The following AGPAT3 variants were observed in gnomAD, a reference collection of about 807,000 sequenced individuals.
AGPAT3 encodes the protein 1-acylglycerol-3-phosphate O-acyltransferase 3.
In AGPAT3, 5 loss-of-function variants were observed where a neutral mutation model predicts 47.3. The ratio of observed to expected loss-of-function variants is 0.11; its 90% CI spans 0.06 to 0.22. The LOEUF is 0.22. Among genes scored for constraint, AGPAT3 ranks in the 10% least tolerant of loss-of-function variants. The pLI, the probability that AGPAT3 is intolerant of heterozygous loss-of-function variation, is 1.00. For missense variants in AGPAT3, 315 were observed against 493.0 expected (o/e 0.64, Z 3.42); for synonymous variants, 212 against 208.3 (o/e 1.02, Z -0.15).
At chr21:43,977,704 C>T (rs561754001) in intron 7 of AGPAT3, among the ~76,000 whole-genome samples, 39 of 151,944 alleles carry the variant, frequency 2.6e-4, no homozygotes, top group Non-Finnish European at 4.4e-4. Context: ...GGTGAAACCC[C>T]GTCTCTACTA....
chr21:43,942,754 G>T (rs2087705391), intron 2 of AGPAT3, among the ~76,000 whole-genome samples: 1 of 152,212 alleles, frequency 6.6e-6, no homozygotes, highest in African/African-American at 2.4e-5. Flanking sequence ...ACCCTGGGCT[G>T]CTGTGGTCAG....
intron 2 of AGPAT3, among the ~76,000 whole-genome samples, chr21:43,904,467 C>T (rs1173513131): frequency 6.6e-6 from 1 of 152,158 alleles, no homozygotes; most frequent in East Asian, 1.9e-4. Context: ...GGCCCGGGGA[C>T]AGCTGCACAA....
intron 2 of AGPAT3, among the ~76,000 whole-genome samples, chr21:43,949,479 G>A (rs964010199): frequency 6.6e-6 from 1 of 152,226 alleles, no homozygotes; most frequent in Non-Finnish European, 1.5e-5. Context: ...GGCCACAAGG[G>A]TGTAAGGGAG....
intron 1 of AGPAT3, among the ~76,000 whole-genome samples, chr21:43,896,957 T>G (rs1483415225): frequency 2.7e-5 from 4 of 146,116 alleles, no homozygotes; most frequent in Admixed American, 2.0e-4. Flanking sequence ...TTTTTTTTTT[T>G]TTTTTTTTTT....
At chr21:43,966,534 T>G (rs2089138377) in intron 3 of AGPAT3, 2 of 152,212 alleles carry the variant, frequency 1.3e-5, no homozygotes, top group Non-Finnish European at 1.5e-5. Flanking sequence ...CTGAGTTCCC[T>G]CTCTCCTTTC....
intron 1 of AGPAT3, among the ~76,000 whole-genome samples, chr21:43,888,988 CA>C (rs11389630): frequency 3.4e-5 from 5 of 146,870 alleles, no homozygotes; most frequent in Admixed American, 2.0e-4. Context: ...GAACTTGTCT[CA>C]AAAAAAAAAC....
chr21:43,924,039 C>CG (rs1376746442), intron 2 of AGPAT3, among the ~76,000 whole-genome samples: 1 of 152,052 alleles, frequency 6.6e-6, no homozygotes, highest in Non-Finnish European at 1.5e-5. Flanking sequence ...TTTTTTGAGA[C>CG]GGAGTCTCGC....
chr21:43,905,154 AATATTTAT>A (rs2086460133), intron 2 of AGPAT3, among the ~76,000 whole-genome samples: 2 of 115,212 alleles, frequency 1.7e-5, no homozygotes, highest in South Asian at 3.0e-4. Flanking sequence ...TTTTAAAAAA[AATATTTAT>A]TTATTTATTT....
chr21:43,875,675 T>A (rs1024539295), intron 1 of AGPAT3, among the ~76,000 whole-genome samples: 3 of 152,244 alleles, frequency 2.0e-5, no homozygotes, highest in Admixed American at 2.0e-4. Flanking sequence ...TGGTGCAATC[T>A]TGGCTCACTG....
intron 2 of AGPAT3, among the ~76,000 whole-genome samples, chr21:43,958,671 A>G (rs61033068): frequency 0.51 from 72,528 of 142,348 alleles, 18,280 homozygotes; most frequent in African/African-American, 0.65. Flanking sequence ...TAGCATGTGT[A>G]TGGTTTGTGG....
chr21:43,986,714 C>T lies in AGPAT3; in HGVS notation c.*4322C>T, dbSNP rs1601503380. Among the ~76,000 whole-genome samples, 1 of 152,196 alleles carries T rather than the reference C, an allele frequency of 6.6e-6. No individual in the cohort carries two copies. The highest frequency in any genetic ancestry group is 1.9e-4 in the East Asian group (1 of 5,200). ...TGGAGAACCCACACAAACCATTGAC[C>T]TGAGTGCGCATGACAGCCACTGGCT... is the stretch of plus-strand genomic sequence containing the variant. On this transcript the variant is annotated 3_prime_UTR_variant, in exon 10 of 10. Coordinates refer to ENST00000291572, the MANE Select transcript of AGPAT3 (RefSeq NM_020132.5).
chr21:43,941,998 C>T (rs888755157), intron 2 of AGPAT3, among the ~76,000 whole-genome samples: 7 of 152,274 alleles, frequency 4.6e-5, no homozygotes, highest in South Asian at 4.1e-4. Context: ...AGGGGACTGG[C>T]TGTGCCACCT....
In AGPAT3 at chr21:43,904,285, T is replaced by C. The variant is rs534947905; in HGVS notation, c.-49+266T>C. 9.6e-4 allele frequency among the ~76,000 whole-genome samples: 147 copies of C among 152,364 alleles called. 1 individual carries two copies. The highest frequency in any genetic ancestry group is 3.5e-3 in the African/African-American group (144 of 41,590). On this transcript the variant is annotated intron_variant, in intron 2 of 9. Coordinates refer to ENST00000291572, the MANE Select transcript of AGPAT3 (RefSeq NM_020132.5). Reference sequence around the variant, plus strand: ...TGTTCTCTTCCTGCGAGGGATGAGCTGAGCTCAAAGGGGCTGAGCTACAAA... The same window carrying C: ...TGTTCTCTTCCTGCGAGGGATGAGCCGAGCTCAAAGGGGCTGAGCTACAAA...
In AGPAT3 at chr21:43,987,415, C is replaced by A. The variant is rs11909005; in HGVS notation, c.*5023C>A. Among the ~76,000 whole-genome samples, 2,877 of 152,258 alleles carry A rather than the reference C, an allele frequency of 0.019. 115 individuals are homozygous for A. Among genetic ancestry groups the A allele is most frequent in the African/African-American group, 0.065 (2,700 of 41,524 alleles). The stretch of plus-strand genomic sequence containing the variant: ...AGTCCACAAAAATACGCAAAATGAC[C>A]TGATGATGTCCAAAAAAGGGTTTTA... On this transcript the variant is annotated 3_prime_UTR_variant, in exon 10 of 10. Coordinates refer to ENST00000291572, the MANE Select transcript of AGPAT3 (RefSeq NM_020132.5).
chr21:43,978,089 G>T lies in AGPAT3; in HGVS notation c.811G>T (p.Ala271Ser), dbSNP rs951532049. The change falls in exon 8 of 10, where the codon GCT becomes TCT. Residue 271 changes from alanine (A) to serine (S), a missense_variant. Transcript: ENST00000291572. ...CATCCCGCTGGATGAAAAGGAAGCA[G>T]CTCAGTGGCTTCATAAACTGTACCA... ...EDIPLDEKEAAQWLHKLYQEK... is the reference protein window; with the variant it reads ...EDIPLDEKEASQWLHKLYQEK... 8.7e-6 allele frequency: 14 copies of T among 1,613,592 alleles called. No homozygotes were observed. In the African/African-American group the frequency reaches 1.6e-4, roughly 18 times the overall value.
chr21:43,945,008 G>T lies in AGPAT3; in HGVS notation c.-48-14626G>T, dbSNP rs907964524. Among the ~76,000 whole-genome samples, 3 of 152,234 alleles carry T rather than the reference G, an allele frequency of 2.0e-5. No individual in the cohort carries two copies. The South Asian group carries it at 6.2e-4, about 32-fold the overall frequency. Reference sequence around the variant, plus strand: ...CTACCACTGGGATTGACGCCAGCAAGTCGGACCCTTTCTCAGAAGCCCAGA... The same window carrying T: ...CTACCACTGGGATTGACGCCAGCAATTCGGACCCTTTCTCAGAAGCCCAGA... On this transcript the variant is annotated intron_variant, in intron 2 of 9. Coordinates refer to ENST00000291572, the MANE Select transcript of AGPAT3 (RefSeq NM_020132.5).
chr21:43,954,185 G>A lies in AGPAT3; in HGVS notation c.-48-5449G>A, dbSNP rs1015859556. Among the ~76,000 whole-genome samples, 4 of 152,198 alleles carry A rather than the reference G, an allele frequency of 2.6e-5. No homozygotes were observed. Among genetic ancestry groups the A allele is most frequent in the Non-Finnish European group, 4.4e-5 (3 of 68,024 alleles). ...CCCAAAGGACTTTGAAGCTGGAGGC[G>A]GGGACCGGTGTGGCCAAGCAGGGCA... On this transcript the variant is annotated intron_variant, in intron 2 of 9. Coordinates refer to ENST00000291572, the MANE Select transcript of AGPAT3 (RefSeq NM_020132.5). The surrounding 1 kb of genome is among the most constrained non-coding windows in gnomAD (Gnocchi z 4.0).
In AGPAT3 at chr21:43,982,276, C is replaced by G. The variant is rs750282971; in HGVS notation, c.1043-28C>G. On this transcript the variant is annotated intron_variant, in intron 9 of 9. Transcript: ENST00000291572. The surrounding 1 kb of genome is among the most constrained non-coding windows in gnomAD (Gnocchi z 6.2). ...AAAAAGGCAAAGTCATCCGTCTCACCTCTTCTCTCTCTCTCCTGTCTTGAA... is the reference window on the plus strand; with the variant it reads ...AAAAAGGCAAAGTCATCCGTCTCACGTCTTCTCTCTCTCTCCTGTCTTGAA... 2 of 1,574,100 alleles carry G rather than the reference C, an allele frequency of 1.3e-6. No individual in the cohort carries two copies. The highest frequency in any genetic ancestry group is 1.7e-6 in the Non-Finnish European group (2 of 1,148,308).
At chr21:43,931,095 G>C (rs2087226846) in intron 2 of AGPAT3, among the ~76,000 whole-genome samples, 1 of 152,166 alleles carries the variant, frequency 6.6e-6, no homozygotes. Context: ...CTGCTCTCCA[G>C]GTCAGTTTTC....
Sources: allele counts gnomAD v4.1 joint callset (sites outside exome capture counted in the v4.1 genomes callset), GRCh38; gene constraint gnomAD v4.1.1; non-coding constraint Gnocchi (gnomAD v3.1); transcripts MANE v1.5; gene names NCBI Gene and HGNC (gene_info 2026-07-23, HGNC 2026-07-21).